The following C1orf159 variants were observed in gnomAD, a reference collection of about 807,000 sequenced individuals.
C1orf159 encodes the protein chromosome 1 open reading frame 159.
In C1orf159, 19 loss-of-function variants were observed where a neutral mutation model predicts 25.6. That is an observed-to-expected ratio of 0.74 (90% confidence interval 0.52 to 1.09). C1orf159 has a LOEUF of 1.09. Among genes scored for constraint, C1orf159 ranks in the 50% least tolerant of loss-of-function variants. The pLI, the probability that C1orf159 is intolerant of heterozygous loss-of-function variation, is 0.00. For synonymous variants in C1orf159, 139 were observed against 124.7 expected, an observed-to-expected ratio of 1.12 and a Z score of -0.77; for missense variants, 274 against 290.6, an observed-to-expected ratio of 0.94 and a Z score of 0.42.
chr1:1,090,134 T>C (rs909620591), intron 4 of C1orf159, among the ~76,000 whole-genome samples: 7 of 152,172 alleles, frequency 4.6e-5, no homozygotes, highest in African/African-American at 1.7e-4. Context: ...AGCCCTCTGC[T>C]GGGCCAGTCT....
At chr1:1,106,946 T>G (rs957458891) in intron 1 of C1orf159, 20 of 152,598 alleles carry the variant, frequency 1.3e-4, no homozygotes, top group African/African-American at 4.8e-4. Context: ...CCCCCAGCAC[T>G]GCCAGCCCCC....
At chr1:1,091,218 G>T (rs1235516902) in intron 3 of C1orf159, 2 of 617,084 alleles carry the variant, frequency 3.2e-6, no homozygotes, top group Admixed American at 2.9e-5. Context: ...CCCATTGCGG[G>T]CCAGGATGCC....
rs1173049541 is a variant in C1orf159 at position 1,087,920 on chromosome 1, TACTCCACGCTGC to T, written c.149-335_149-324del. Among the ~76,000 whole-genome samples the T allele has an allele frequency of 7.1e-6, 1 of 140,752 alleles. No individual in the cohort carries two copies. Among genetic ancestry groups the T allele is most frequent in the Non-Finnish European group, 1.5e-5 (1 of 64,750 alleles). 92.3% of individuals were successfully genotyped at this position (140,752 alleles called of 152,430 possible). ...CCACGCCGAGCACCCCAGCCCCGAG[TACTCCACGCTGC>T]ACTCCACGCCGAGCACCCCGGCCCT... On this transcript the variant is annotated intron_variant, in intron 4 of 9. Coordinates refer to ENST00000421241, the MANE Select transcript of C1orf159 (RefSeq NM_017891.5). The surrounding 1 kb of genome is among the most constrained non-coding windows in gnomAD (Gnocchi z 8.3).
chr1:1,104,465 T>C (rs1646143707), intron 1 of C1orf159, among the ~76,000 whole-genome samples: 1 of 152,260 alleles, frequency 6.6e-6, no homozygotes, highest in African/African-American at 2.4e-5. Context: ...TTTCATACTC[T>C]GTCCATGGTT....
At chr1:1,083,511 G>A (rs746156696) in intron 9 of C1orf159, 7 of 240,932 alleles carry the variant, frequency 2.9e-5, no homozygotes, top group Non-Finnish European at 5.7e-5. Flanking sequence ...ACAGAGACGG[G>A]CAACGCAGCC....
At chr1:1,102,682 C>T (rs1400385981) in intron 1 of C1orf159, among the ~76,000 whole-genome samples, 1 of 147,598 alleles carries the variant, frequency 6.8e-6, no homozygotes, top group Non-Finnish European at 1.5e-5. Flanking sequence ...CCTGTAGTCC[C>T]AGCTACTCAG....
intron 1 of C1orf159, among the ~76,000 whole-genome samples, chr1:1,111,912 C>T (rs538357019): frequency 6.6e-6 from 1 of 152,376 alleles, no homozygotes; most frequent in African/African-American, 2.4e-5. Flanking sequence ...AGATCCCTCT[C>T]GTGCTTTGAT....
At chr1:1,100,550 C>T (rs1301284197) in intron 1 of C1orf159, among the ~76,000 whole-genome samples, 3 of 152,152 alleles carry the variant, frequency 2.0e-5, no homozygotes, top group Non-Finnish European at 4.4e-5. Flanking sequence ...TGGTGCTGCA[C>T]GTTCTTGGTG....
chr1:1,113,395 G>C (rs1646288239), intron 1 of C1orf159, among the ~76,000 whole-genome samples: 1 of 152,212 alleles, frequency 6.6e-6, no homozygotes, highest in Non-Finnish European at 1.5e-5. Context: ...CCCTCAGCCA[G>C]AGTGGTGAGA....
intron 9 of C1orf159, chr1:1,084,119 G>A (rs1271028993): frequency 7.0e-6 from 11 of 1,571,070 alleles, no homozygotes; most frequent in Non-Finnish European, 9.5e-6. Flanking sequence ...GAAGTCACGG[G>A]GATTAAAGGG....
intron 1 of C1orf159, among the ~76,000 whole-genome samples, chr1:1,095,105 G>A (rs986402010): frequency 7.2e-5 from 11 of 152,174 alleles, no homozygotes; most frequent in African/African-American, 2.7e-4. Flanking sequence ...GGGACACTGC[G>A]GCTGACTGGA....
At chr1:1,083,026 C>A (rs1645770383) in intron 9 of C1orf159, 39 bp from the exon 10 acceptor site, 7 of 1,523,460 alleles carry the variant, frequency 4.6e-6, no homozygotes, top group East Asian at 2.4e-5. Flanking sequence ...AGAGTGGGAC[C>A]TGGACAGCAG....
At chr1:1,111,686 C>T (rs1646258564) in intron 1 of C1orf159, among the ~76,000 whole-genome samples, 1 of 152,202 alleles carries the variant, frequency 6.6e-6, no homozygotes, top group Admixed American at 6.5e-5. Flanking sequence ...TAACTCCAGC[C>T]GCCCAGGCAG....
chr1:1,107,230 G>A lies in C1orf159; in HGVS notation c.-136+8830C>T, dbSNP rs56919421. On this transcript the variant is annotated intron_variant, in intron 1 of 9. Transcript: ENST00000421241. ...GCAAAGCCAGCTGGGCTCCTGAGTC[G>A]GGTGAGGACTTGGAGAACTTTTATG... is the stretch of plus-strand genomic sequence containing the variant. 4.8e-3 allele frequency among the ~76,000 whole-genome samples: 728 copies of A among 152,374 alleles called. 5 individuals carry two copies. Among genetic ancestry groups the A allele is most frequent in the African/African-American group, 0.017 (698 of 41,588 alleles).
chr1:1,107,584 G>C (rs559766283), intron 1 of C1orf159, among the ~76,000 whole-genome samples: 2 of 152,106 alleles, frequency 1.3e-5, no homozygotes, highest in African/African-American at 2.4e-5. Flanking sequence ...CTCAGGGATC[G>C]TAAACGCACT....
chr1:1,091,472 C>G lies in C1orf159; in HGVS notation c.72G>C (p.Thr24=). 6.5e-7 allele frequency: 1 copy of G among 1,550,320 alleles called. No individual in the cohort carries two copies. The highest frequency in any genetic ancestry group is 8.7e-7 in the Non-Finnish European group (1 of 1,146,830). ...VGVASKSMEN[T]AQLPECCVDV... ...GTGGACACGTGAGGGGGGCACCTACCGTGTTCTCCATGGACTTGCTGGCGA... is the reference window on the plus strand; with the variant it reads ...GTGGACACGTGAGGGGGGCACCTACGGTGTTCTCCATGGACTTGCTGGCGA... Residue 24 remains threonine (T), a splice_region_variant and synonymous_variant, in exon 3 of 10, where the codon ACG becomes ACC. Coordinates refer to ENST00000421241, the MANE Select transcript of C1orf159 (RefSeq NM_017891.5).
chr1:1,086,300 G>A (rs1278445891), intron 6 of C1orf159, among the ~76,000 whole-genome samples: 1 of 152,246 alleles, frequency 6.6e-6, no homozygotes, highest in African/African-American at 2.4e-5. Flanking sequence ...GACCCTGGCC[G>A]GGCTCTGCGG....
At chr1:1,097,044 C>T (rs1377596936) in intron 1 of C1orf159, among the ~76,000 whole-genome samples, 3 of 151,560 alleles carry the variant, frequency 2.0e-5, no homozygotes, top group Admixed American at 6.6e-5. Flanking sequence ...TGGCAATAGT[C>T]TATTACTATG....
chr1:1,087,036 T>C lies in C1orf159; in HGVS notation c.310+103A>G, dbSNP rs922002011. The C allele has an allele frequency of 8.1e-6, 10 of 1,230,432 alleles. No homozygotes were observed. Among genetic ancestry groups the C allele is most frequent in the African/African-American group, 1.5e-5 (1 of 66,960 alleles). The allele number at this position is 1,230,432 out of a possible 1,614,324, so 76.2% of individuals were successfully genotyped here. On this transcript the variant is annotated intron_variant, in intron 6 of 9. Transcript: ENST00000421241. This position sits in a 1 kb window ranked among gnomAD's most constrained non-coding sequence, Gnocchi z 8.3. ...CCCCTCTGGCTGTTTTGCAGAACCC[T>C]GAGCCTGCTGTGGCTGCGTCAAGGG...
Sources: gnomAD v4.1 joint callset for allele counts (sites outside exome capture counted in the v4.1 genomes callset) on GRCh38, gnomAD v4.1.1 for gene constraint, Gnocchi (gnomAD v3.1) non-coding constraint, MANE v1.5 for transcripts, NCBI Gene and HGNC (gene_info 2026-07-23, HGNC 2026-07-21) for gene names.